The following PANK3 variants were observed in gnomAD, a reference collection of about 807,000 sequenced individuals.
PANK3 encodes pantothenate kinase 3, also known as hPanK3.
In PANK3, 20 loss-of-function variants were observed where a neutral mutation model predicts 39.4. The ratio of observed to expected loss-of-function variants is 0.51; its 90% CI spans 0.36 to 0.74. The LOEUF (loss-of-function observed/expected upper bound fraction) is 0.74, where lower values mean the gene tolerates loss of function less well. Among genes scored for constraint, PANK3 ranks in the 30% least tolerant of loss-of-function variants. The pLI, the probability that PANK3 is intolerant of heterozygous loss-of-function variation, is 0.00. For synonymous variants in PANK3, 140 were observed against 157.3 expected, an observed-to-expected ratio of 0.89 and a Z score of 0.82; for missense variants, 265 against 437.0, an observed-to-expected ratio of 0.61 and a Z score of 3.51.
At position 168,563,109 on chromosome 5, in the gene PANK3, A is replaced by C. The variant is rs910170626; in HGVS notation, c.812+780T>G. ...TAAGTAAATCAAAGATTTAAGTATA[A>C]AAATACCACCATTAACATATCAGAA... On this transcript the variant is annotated intron_variant, in intron 4 of 6. Transcript: ENST00000239231. 9.8e-5 allele frequency among the ~76,000 whole-genome samples: 15 copies of C among 152,318 alleles called. No homozygotes were observed. In the South Asian group the frequency reaches 2.9e-3, roughly 29 times the overall value.
rs564439025 is a variant in PANK3 at position 168,575,890 on chromosome 5, G to A, written c.28+3366C>T. On this transcript the variant is annotated intron_variant, in intron 1 of 6. Transcript: ENST00000239231. ...AGGGAAACCAACATGAAAAACGCTC[G>A]AAACATAGGGTATTTTAAAAGAACA... Among the ~76,000 whole-genome samples, 145 of 152,228 alleles carry A rather than the reference G, an allele frequency of 9.5e-4. 1 individual carries two copies. The highest frequency in any genetic ancestry group is 1.5e-3 in the Non-Finnish European group (103 of 67,996).
In PANK3 at chr5:168,557,403, T is replaced by G. The variant is rs1191385385; in HGVS notation, c.*168A>C. ...ATATACAAAAGGGAAAGCATTTCAATGAGAAATACTTCACGTTACCAAGTT... is the reference window on the plus strand; with the variant it reads ...ATATACAAAAGGGAAAGCATTTCAAGGAGAAATACTTCACGTTACCAAGTT... On this transcript the variant is annotated 3_prime_UTR_variant, in exon 7 of 7. Coordinates refer to ENST00000239231, the MANE Select transcript of PANK3 (RefSeq NM_024594.4). 9 of 607,990 alleles carry G rather than the reference T, an allele frequency of 1.5e-5. No individual in the cohort carries two copies. Among genetic ancestry groups the G allele is most frequent in the Non-Finnish European group, 2.6e-5 (9 of 346,264 alleles). 37.7% of individuals were successfully genotyped at this position (607,990 alleles called of 1,614,324 possible).
intron 3 of PANK3, 145 bp downstream of exon 3, chr5:168,565,868 A>AAAAAAAAAAAAAAAAAAAGAG: frequency 7.6e-6 from 1 of 131,394 alleles, no homozygotes; most frequent in African/African-American, 3.6e-5. Context: ...AAAAAAAAAA[A>AAAAAAAAAAAAAAAAAAAGAG]ATATATATAT....
chr5:168,559,308 G>T, intron 5 of PANK3, 151 bp from the exon 6 acceptor site: 1 of 523,152 alleles, frequency 1.9e-6, no homozygotes, highest in Non-Finnish European at 3.2e-6. Context: ...CTGGCATATA[G>T]CTGTATAATC....
At position 168,568,971 on chromosome 5, in the gene PANK3, C is replaced by T. The variant is rs1343757015; in HGVS notation, c.56G>A (p.Gly19Glu). 1 of 1,582,254 alleles carries T rather than the reference C, an allele frequency of 6.3e-7. No homozygotes were observed. Among genetic ancestry groups the T allele is most frequent in the African/African-American group, 1.4e-5 (1 of 71,098 alleles). ...PSFPWFGMDIGGTLVKLSYFE... is the reference protein window; with the variant it reads ...PSFPWFGMDIEGTLVKLSYFE... ...GTACGAGAGCTTTACTAGAGTTCCCCCAATGTCCATGCCAAACCATGGGAA... is the reference window on the plus strand; with the variant it reads ...GTACGAGAGCTTTACTAGAGTTCCCTCAATGTCCATGCCAAACCATGGGAA... The change falls in exon 2 of 7, where the codon GGG (glycine) becomes GAG (glutamate). Residue 19 changes from glycine (G) to glutamate (E), a missense_variant. Around this residue, in one of 3 missense-constraint regions of PANK3, gnomAD observed 154 missense variants for 256.8 expected, o/e 0.60. Coordinates refer to ENST00000239231, the MANE Select transcript of PANK3 (RefSeq NM_024594.4).
intron 4 of PANK3, 61 bp downstream of exon 4, chr5:168,563,828 A>C: frequency 1.4e-6 from 2 of 1,453,302 alleles, no homozygotes; most frequent in Non-Finnish European, 1.8e-6. Context: ...GCTTTCCAAA[A>C]ACATAAGCAA....
chr5:168,565,325 G>A (rs992493349), intron 3 of PANK3, among the ~76,000 whole-genome samples: 33 of 151,868 alleles, frequency 2.2e-4, no homozygotes, highest in African/African-American at 7.3e-4. Flanking sequence ...TTTCTCATTC[G>A]TATTTCAGGT....
intron 1 of PANK3, among the ~76,000 whole-genome samples, chr5:168,571,367 T>C (rs1256679013): frequency 2.0e-5 from 3 of 152,326 alleles, no homozygotes; most frequent in Non-Finnish European, 2.9e-5. Flanking sequence ...CACAGGCTCA[T>C]TTAATCCTCA....
chr5:168,560,163 A>T (rs868345129), intron 5 of PANK3, among the ~76,000 whole-genome samples: 6 of 152,246 alleles, frequency 3.9e-5, no homozygotes, highest in African/African-American at 1.2e-4. Flanking sequence ...AATTGTTGTC[A>T]GCTCCCAACA....
intron 3 of PANK3, among the ~76,000 whole-genome samples, chr5:168,565,198 A>T (rs1418480531): frequency 6.6e-6 from 1 of 152,212 alleles, no homozygotes; most frequent in East Asian, 1.9e-4. Context: ...AATTAAAATG[A>T]GTTTTTTTCA....
Position 168,575,004 on chromosome 5 carries a change from AT to A in PANK3, c.28+4251del, listed in dbSNP as rs879423864. 2.0e-3 allele frequency among the ~76,000 whole-genome samples: 298 copies of A among 150,116 alleles called. 1 individual carries two copies. The highest frequency in any genetic ancestry group is 0.01 in the Middle Eastern group (3 of 290). On this transcript the variant is annotated intron_variant, in intron 1 of 6. Coordinates refer to ENST00000239231, the MANE Select transcript of PANK3 (RefSeq NM_024594.4). ...CCTACTTACGGCATATAACCTTAAC[AT>A]TTTTTTTTTCAGAATAAAACATTCC...
Position 168,568,566 on chromosome 5 carries a change from T to C in PANK3, c.381+80A>G, listed in dbSNP as rs796390663. The C allele has an allele frequency of 8.3e-6, 9 of 1,083,404 alleles. No individual in the cohort carries two copies. The African/African-American group carries it at 1.4e-4, about 17-fold the overall frequency. The allele number at this position is 1,083,404 out of a possible 1,614,324, so 67.1% of individuals were successfully genotyped here. The stretch of plus-strand genomic sequence containing the variant: ...TTCCCACTGCATGTGCAGGGAGAAT[T>C]AAGGAACATGCTAGATGGAAACCTA... On this transcript the variant is annotated intron_variant, in intron 2 of 6. Coordinates refer to ENST00000239231, the MANE Select transcript of PANK3 (RefSeq NM_024594.4).
chr5:168,557,858 C>T (rs2113104206), intron 6 of PANK3, among the ~76,000 whole-genome samples: 1 of 152,322 alleles, frequency 6.6e-6, no homozygotes, highest in South Asian at 2.1e-4. Flanking sequence ...CATGGTCTCA[C>T]TATTTTGCCC....
Position 168,579,347 on chromosome 5 carries a change from T to C in PANK3, c.-64A>G. The C allele has an allele frequency of 6.6e-6, 9 of 1,357,122 alleles. No individual in the cohort carries two copies. Among genetic ancestry groups the C allele is most frequent in the Non-Finnish European group, 8.7e-6 (9 of 1,037,542 alleles). The allele number at this position is 1,357,122 out of a possible 1,614,324, so 84.1% of individuals were successfully genotyped here. ...GGGCACTGAGAGCAGAGGCGGCGAC[T>C]CCGGAGGTGGCTGGGCCGCGCGGCG... On this transcript the variant is annotated 5_prime_UTR_variant, in exon 1 of 7. Transcript: ENST00000239231.
Position 168,557,447 on chromosome 5 carries a change from A to G in PANK3, c.*124T>C. ...CCAAGTTCTCTCCTTTAATATGGCAACATTCAGCAGCTTATGCTACTCTTT... is the reference window on the plus strand; with the variant it reads ...CCAAGTTCTCTCCTTTAATATGGCAGCATTCAGCAGCTTATGCTACTCTTT... On this transcript the variant is annotated 3_prime_UTR_variant, in exon 7 of 7. Transcript: ENST00000239231. 1 of 802,924 alleles carries G rather than the reference A, an allele frequency of 1.2e-6. No individual in the cohort carries two copies. Among genetic ancestry groups the G allele is most frequent in the Non-Finnish European group, 2.0e-6 (1 of 496,522 alleles). 49.7% of individuals were successfully genotyped at this position (802,924 alleles called of 1,614,324 possible).
chr5:168,573,623 C>T (rs1010041804), intron 1 of PANK3, among the ~76,000 whole-genome samples: 3 of 150,490 alleles, frequency 2.0e-5, no homozygotes, highest in Non-Finnish European at 4.4e-5. Flanking sequence ...TGCACCAACT[C>T]GTCATCTAGC....
intron 1 of PANK3, 53 bp downstream of exon 1, chr5:168,579,203 G>C: frequency 1.4e-6 from 2 of 1,453,828 alleles, no homozygotes; most frequent in East Asian, 5.6e-5. Context: ...GGGGCTTTCA[G>C]ACGGGGCCCA....
At chr5:168,574,589 C>T (rs1166018116) in intron 1 of PANK3, among the ~76,000 whole-genome samples, 22 of 152,134 alleles carry the variant, frequency 1.4e-4, no homozygotes, top group Admixed American at 1.4e-3. Context: ...TGGCCTGGTG[C>T]GGTAGCTCAC....
intron 4 of PANK3, among the ~76,000 whole-genome samples, chr5:168,561,909 CAGAT>C (rs1759454851): frequency 6.6e-6 from 1 of 152,140 alleles, no homozygotes; most frequent in Admixed American, 6.5e-5. Flanking sequence ...GTGCTGGAGA[CAGAT>C]AGTCCCTCAA....
Sources: allele counts gnomAD v4.1 joint callset (sites outside exome capture counted in the v4.1 genomes callset), GRCh38; gene constraint gnomAD v4.1.1; regional missense constraint gnomAD v4.1.1; transcripts MANE v1.5; gene names NCBI Gene and HGNC (gene_info 2026-07-23, HGNC 2026-07-21).